Variants in ZBTB7C observed in about 807,000 individuals in gnomAD.
ZBTB7C encodes zinc finger and BTB domain-containing protein 7C.
A neutral mutation model predicts 25.7 loss-of-function variants in ZBTB7C; 8 were observed. That is an observed-to-expected ratio of 0.31 (90% CI 0.18 to 0.56). The LOEUF (loss-of-function observed/expected upper bound fraction) is 0.56, where lower values mean the gene tolerates loss of function less well. Ranked by LOEUF, ZBTB7C falls within the 20% of genes least tolerant of loss-of-function variation. The pLI, the probability that ZBTB7C is intolerant of heterozygous loss-of-function variation, is 0.91. For synonymous variants in ZBTB7C, 394 were observed against 369.0 expected (o/e 1.07, Z -0.78); for missense variants, 824 against 855.2 (o/e 0.96, Z 0.46).
intron 3 of ZBTB7C, among the ~76,000 whole-genome samples, chr18:48,066,358 C>T (rs573634132): frequency 5.3e-5 from 8 of 152,208 alleles, no homozygotes; most frequent in East Asian, 1.9e-4. Context: ...CCTGGGGGGG[C>T]GGAGGTGGGG....
At chr18:48,117,641 G>A (rs1416314897) in intron 3 of ZBTB7C, among the ~76,000 whole-genome samples, 4 of 152,126 alleles carry the variant, frequency 2.6e-5, no homozygotes, top group Non-Finnish European at 4.4e-5. Context: ...ACAGGGCCTG[G>A]AGCATCCTAT....
chr18:48,152,931 G>T (rs936164206), intron 3 of ZBTB7C, among the ~76,000 whole-genome samples: 2 of 152,230 alleles, frequency 1.3e-5, no homozygotes, highest in Admixed American at 6.5e-5. Flanking sequence ...CAGGCCCAGG[G>T]ATGTTAAGTC....
intron 2 of ZBTB7C, among the ~76,000 whole-genome samples, chr18:48,333,137 C>T (rs972764832): frequency 4.6e-5 from 7 of 151,972 alleles, no homozygotes; most frequent in South Asian, 2.1e-4. Context: ...TGTTTTTAGT[C>T]GGGTACTATT....
In ZBTB7C at chr18:48,029,823, A is replaced by T; in HGVS notation, c.1297T>A (p.Tyr433Asn). The change falls in exon 5 of 5, where the codon TAC becomes AAC. Residue 433 changes from tyrosine (Y) to asparagine (N), a missense_variant. By Grantham distance (143) the Tyr-to-Asn change is moderately radical. Transcript: ENST00000590800. Reference sequence around the variant, plus strand: ...ATGCGCATGTGGTTCTTGAGGTCGTAGTTGTGCACGAACTTGGCGTTGCAG... The same window carrying T: ...ATGCGCATGTGGTTCTTGAGGTCGTTGTTGTGCACGAACTTGGCGTTGCAG... ...IHCNAKFVHNYDLKNHMRIHT... is the reference protein window; with the variant it reads ...IHCNAKFVHNNDLKNHMRIHT... 1 of 1,609,640 alleles carries T rather than the reference A, an allele frequency of 6.2e-7. No individual in the cohort carries two copies.
intron 3 of ZBTB7C, among the ~76,000 whole-genome samples, chr18:48,041,891 T>A (rs759568624): frequency 6.6e-6 from 1 of 152,238 alleles, no homozygotes; most frequent in Non-Finnish European, 1.5e-5. Flanking sequence ...GTTAGTTAAT[T>A]TTTCATGTCT....
intron 3 of ZBTB7C, among the ~76,000 whole-genome samples, chr18:48,086,441 G>A (rs1042212076): frequency 6.6e-6 from 1 of 152,136 alleles, no homozygotes; most frequent in African/African-American, 2.4e-5. Flanking sequence ...CCTGTAAAGC[G>A]GCACCCCATG....
intron 2 of ZBTB7C, among the ~76,000 whole-genome samples, chr18:48,331,282 A>C (rs981239136): frequency 3.9e-5 from 6 of 152,160 alleles, no homozygotes; most frequent in Non-Finnish European, 7.3e-5. Context: ...CCAAATAATA[A>C]TCACACAACT....
chr18:48,316,954 C>G (rs1357429818), intron 2 of ZBTB7C, among the ~76,000 whole-genome samples: 1 of 152,154 alleles, frequency 6.6e-6, no homozygotes, highest in African/African-American at 2.4e-5. Flanking sequence ...TGAAATAATT[C>G]ACGCGAACTT....
At chr18:48,169,053 G>A (rs1008211950) in intron 3 of ZBTB7C, among the ~76,000 whole-genome samples, 10 of 152,254 alleles carry the variant, frequency 6.6e-5, no homozygotes, top group African/African-American at 2.4e-4. Flanking sequence ...GGGGGTCTGT[G>A]TGTACCACAG....
chr18:48,276,371 A>G (rs2044652861), intron 2 of ZBTB7C, among the ~76,000 whole-genome samples: 2 of 150,324 alleles, frequency 1.3e-5, no homozygotes, highest in Non-Finnish European at 1.5e-5. Context: ...ACATATGTAT[A>G]CATATGCCAT....
intron 2 of ZBTB7C, among the ~76,000 whole-genome samples, chr18:48,209,264 G>C (rs1156910942): frequency 6.6e-6 from 1 of 152,184 alleles, no homozygotes; most frequent in Non-Finnish European, 1.5e-5. Context: ...GAGGAAGCTG[G>C]CATCTGGGAA....
chr18:48,038,299 A>G (rs984681868), intron 4 of ZBTB7C, among the ~76,000 whole-genome samples: 3 of 151,970 alleles, frequency 2.0e-5, no homozygotes, highest in Non-Finnish European at 4.4e-5. Flanking sequence ...TTCTCCCTCT[A>G]CTGTCACTGG....
At chr18:48,042,900 A>G (rs564855183) in intron 3 of ZBTB7C, among the ~76,000 whole-genome samples, 1 of 152,226 alleles carries the variant, frequency 6.6e-6, no homozygotes, top group Non-Finnish European at 1.5e-5. Context: ...GCTTAGAGGG[A>G]CATAACAACT....
intron 3 of ZBTB7C, among the ~76,000 whole-genome samples, chr18:48,088,566 A>T (rs2038283331): frequency 6.6e-6 from 1 of 152,230 alleles, no homozygotes; most frequent in Non-Finnish European, 1.5e-5. Flanking sequence ...AGTGGCTCAC[A>T]CCTATAATCC....
At chr18:48,145,996 T>C (rs980112122) in intron 3 of ZBTB7C, among the ~76,000 whole-genome samples, 1 of 152,222 alleles carries the variant, frequency 6.6e-6, no homozygotes, top group Non-Finnish European at 1.5e-5. Flanking sequence ...TTTTGAGTTA[T>C]CAGCATTGAG....
chr18:48,373,904 T>C (rs1449421351), intron 1 of ZBTB7C, among the ~76,000 whole-genome samples: 1 of 150,924 alleles, frequency 6.6e-6, no homozygotes, highest in African/African-American at 2.4e-5. Context: ...GAGCTTGCAG[T>C]GAGCTGAGAT....
At chr18:48,233,386 T>C (rs1249892075) in intron 2 of ZBTB7C, among the ~76,000 whole-genome samples, 1 of 152,136 alleles carries the variant, frequency 6.6e-6, no homozygotes, top group Non-Finnish European at 1.5e-5. Flanking sequence ...TGGTATTCTC[T>C]TACAGAAGCA....
intron 3 of ZBTB7C, among the ~76,000 whole-genome samples, chr18:48,179,686 TCCTTC>T (rs1173614786): frequency 6.6e-6 from 1 of 151,134 alleles, no homozygotes; most frequent in African/African-American, 2.4e-5. Context: ...CTTCCTTCCT[TCCTTC>T]CTTCCTTCCT....
intron 1 of ZBTB7C, among the ~76,000 whole-genome samples, chr18:48,347,862 G>A (rs72913577): frequency 0.063 from 9,532 of 152,260 alleles, 338 homozygotes; most frequent in Non-Finnish European, 0.074. Context: ...ATGAAACACC[G>A]AAGTCACCTT....
Sources: allele counts gnomAD v4.1 joint callset (sites outside exome capture counted in the v4.1 genomes callset), GRCh38; gene constraint gnomAD v4.1.1; transcripts MANE v1.5; gene names NCBI Gene and HGNC (gene_info 2026-07-23, HGNC 2026-07-21).